PAMR1: variants seen among roughly 807,000 people sequenced by gnomAD.
The protein encoded by PAMR1 is peptidase domain containing associated with muscle regeneration 1, also known as inactive serine protease PAMR1.
A neutral mutation model predicts 81.8 loss-of-function variants in PAMR1; 88 were observed. The observed-to-expected ratio is 1.08, with a 90% CI of 0.91 to 1.28. The LOEUF is 1.28. Among genes scored for constraint, PAMR1 ranks in the 50% most tolerant of loss-of-function variants. The probability of loss-of-function intolerance (pLI) is 0.00; values close to 1 mark genes in which losing one functional copy is unlikely to be tolerated. For missense variants in PAMR1, 935 were observed against 919.7 expected (o/e 1.02, Z -0.21); for synonymous variants, 336 against 345.3 (o/e 0.97, Z 0.30).
At chr11:35,525,375 C>T (rs1429521002) in intron 1 of PAMR1, 138 bp downstream of exon 1, 2 of 649,082 alleles carry the variant, frequency 3.1e-6, no homozygotes, top group South Asian at 4.0e-5. Context: ...AAAAGCACCA[C>T]CCCCCCTCAA....
intron 1 of PAMR1, among the ~76,000 whole-genome samples, chr11:35,510,466 G>A (rs1179860785): frequency 2.6e-5 from 2 of 77,670 alleles, no homozygotes; most frequent in South Asian, 4.8e-4. Context: ...AACCCTCCCC[G>A]CCCCCACCCC....
In PAMR1 at chr11:35,490,189, A is replaced by G. The variant is rs113069512; in HGVS notation, c.379+1856T>C. The stretch of plus-strand genomic sequence containing the variant: ...CACTACCATGAGAACAGTATGGAGG[A>G]AACTACCCCTATGATTCAATTATCT... On this transcript the variant is annotated intron_variant, in intron 3 of 10. Coordinates refer to ENST00000619888, the MANE Select transcript of PAMR1 (RefSeq NM_001001991.3). Among the ~76,000 whole-genome samples, 691 of 152,296 alleles carry G rather than the reference A, an allele frequency of 4.5e-3. 9 individuals carry two copies. Among genetic ancestry groups the G allele is most frequent in the African/African-American group, 0.016 (673 of 41,572 alleles).
In PAMR1 at chr11:35,491,462, A is replaced by T. The variant is rs544359273; in HGVS notation, c.379+583T>A. Among the ~76,000 whole-genome samples, 39 of 152,362 alleles carry T rather than the reference A, an allele frequency of 2.6e-4. No individual in the cohort carries two copies. In the Middle Eastern group the frequency reaches 0.01, roughly 40 times the overall value. On this transcript the variant is annotated intron_variant, in intron 3 of 10. Coordinates refer to ENST00000619888, the MANE Select transcript of PAMR1 (RefSeq NM_001001991.3). ...GATACAGACTCTCAGAGGGACATTC[A>T]TCATTCAGGGCACTGTCGGGGGGAA...
intron 1 of PAMR1, among the ~76,000 whole-genome samples, chr11:35,499,448 G>T (rs1004490003): frequency 3.9e-5 from 6 of 152,054 alleles, no homozygotes; most frequent in Non-Finnish European, 7.4e-5. Flanking sequence ...ATAACTCAAG[G>T]GAGGACACCA....
At chr11:35,522,412 G>A (rs376982779) in intron 1 of PAMR1, among the ~76,000 whole-genome samples, 2 of 152,234 alleles carry the variant, frequency 1.3e-5, no homozygotes, top group East Asian at 3.9e-4. Flanking sequence ...ACATGAATTT[G>A]ACTATTCTAA....
intron 6 of PAMR1, among the ~76,000 whole-genome samples, chr11:35,449,602 A>G (rs763522356): frequency 2.6e-5 from 4 of 152,154 alleles, no homozygotes; most frequent in Non-Finnish European, 5.9e-5. Context: ...AACCGCAGTG[A>G]TGGCTGCCTC....
chr11:35,524,949 C>A (rs773149501), intron 1 of PAMR1, among the ~76,000 whole-genome samples: 13 of 152,210 alleles, frequency 8.5e-5, no homozygotes, highest in Admixed American at 2.6e-4. Context: ...TCACTCTCAT[C>A]AGAAAGGAAG....
intron 1 of PAMR1, among the ~76,000 whole-genome samples, chr11:35,503,680 G>T (rs955757920): frequency 2.0e-5 from 3 of 151,924 alleles, no homozygotes; most frequent in Non-Finnish European, 4.4e-5. Context: ...GATTATGTTG[G>T]TGTATATAAA....
At chr11:35,502,243 A>G (rs867370636) in intron 1 of PAMR1, among the ~76,000 whole-genome samples, 21 of 151,148 alleles carry the variant, frequency 1.4e-4, no homozygotes, top group African/African-American at 5.2e-4. Flanking sequence ...CCATTTTTAA[A>G]TTTAATTAAT....
At chr11:35,445,897 A>G (rs1468062139) in intron 6 of PAMR1, among the ~76,000 whole-genome samples, 2 of 152,228 alleles carry the variant, frequency 1.3e-5, no homozygotes, top group Non-Finnish European at 2.9e-5. Context: ...GAATAGTTTC[A>G]GAAGAAATGG....
At chr11:35,500,992 G>T (rs1215660482) in intron 1 of PAMR1, among the ~76,000 whole-genome samples, 2 of 152,054 alleles carry the variant, frequency 1.3e-5, no homozygotes, top group Non-Finnish European at 2.9e-5. Flanking sequence ...GAATGTGAAG[G>T]CCTAGGACAT....
chr11:35,435,695 C>T (rs1030170679), intron 9 of PAMR1, among the ~76,000 whole-genome samples: 5 of 152,030 alleles, frequency 3.3e-5, no homozygotes, highest in East Asian at 1.9e-4. Context: ...CACCCAAGAA[C>T]GCATGCCTCT....
chr11:35,490,088 T>C (rs1277854104), intron 3 of PAMR1, among the ~76,000 whole-genome samples: 1 of 152,216 alleles, frequency 6.6e-6, no homozygotes, highest in African/African-American at 2.4e-5. Context: ...AAGGCACATC[T>C]TACATGGCAG....
chr11:35,442,187 A>T (rs1345696917), intron 6 of PAMR1, among the ~76,000 whole-genome samples: 2 of 152,362 alleles, frequency 1.3e-5, no homozygotes, highest in East Asian at 3.9e-4. Flanking sequence ...TTTAGATTTT[A>T]TATTTAATCT....
At chr11:35,527,342 T>C (rs573473061), upstream of PAMR1, among the ~76,000 whole-genome samples, 29 of 152,346 alleles carry the variant, frequency 1.9e-4, no homozygotes, top group African/African-American at 6.7e-4. Context: ...AGATTACGCA[T>C]GTAAGGCCCA....
chr11:35,525,649 G>C, upstream of PAMR1: 1 of 1,469,174 alleles, frequency 6.8e-7, no homozygotes, highest in South Asian at 1.2e-5. Context: ...GGGAGGCCGG[G>C]GGCAGGCGGG....
At chr11:35,507,615 C>T (rs566198697) in intron 1 of PAMR1, among the ~76,000 whole-genome samples, 23 of 152,106 alleles carry the variant, frequency 1.5e-4, no homozygotes, top group Non-Finnish European at 3.2e-4. Context: ...TCATTAGGGT[C>T]AGTCACTCTC....
chr11:35,470,343 A>G (rs7933964), intron 5 of PAMR1, among the ~76,000 whole-genome samples: 6,660 of 152,228 alleles, frequency 0.044, 244 homozygotes, highest in African/African-American at 0.088. Context: ...TATCTGTGTG[A>G]CCTTGGACAA....
intron 3 of PAMR1, among the ~76,000 whole-genome samples, chr11:35,488,669 CT>C (rs34053329): frequency 0.13 from 5,359 of 42,768 alleles, 100 homozygotes; most frequent in African/African-American, 0.24. Context: ...CAAATCTTGC[CT>C]TTTTTTTTTT....
Sources: gnomAD v4.1 joint callset for allele counts (sites outside exome capture counted in the v4.1 genomes callset) on GRCh38, gnomAD v4.1.1 for gene constraint, MANE v1.5 for transcripts, NCBI Gene and HGNC (gene_info 2026-07-23, HGNC 2026-07-21) for gene names.